SEL1L: variants seen among roughly 807,000 people sequenced by gnomAD.
The protein encoded by SEL1L is SEL1L adaptor subunit of SYVN1 ubiquitin ligase, also known as protein sel-1 homolog 1.
In SEL1L, 52 loss-of-function variants were observed where a neutral mutation model predicts 109.8. That is an observed-to-expected ratio of 0.47 (90% CI 0.38 to 0.60). The LOEUF is 0.60. SEL1L is among the 20% of genes least tolerant of loss of function. The pLI is 0.00. For synonymous variants in SEL1L, 373 were observed against 339.6 expected, an observed-to-expected ratio of 1.10 and a Z score of -1.08; for missense variants, 749 against 962.2, an observed-to-expected ratio of 0.78 and a Z score of 2.93.
intron 20 of SEL1L, 78 bp downstream of exon 20, chr14:81,479,534 T>C (rs1240840702): frequency 1.4e-6 from 2 of 1,455,308 alleles, no homozygotes; most frequent in Non-Finnish European, 1.9e-6. Flanking sequence ...CCTGTGCTTC[T>C]CAACTTTTGA....
Position 81,498,474 on chromosome 14 carries a change from G to A in SEL1L, c.912C>T (p.Gly304=). ...HMVLGYRYWA[G]IGVLQSCESA... ...ATTCACAACTCTGGAGGACGCCGATGCCAGCCCAGTATCTGTAACCCTGTA... is the reference window on the plus strand; with the variant it reads ...ATTCACAACTCTGGAGGACGCCGATACCAGCCCAGTATCTGTAACCCTGTA... The change falls in exon 9 of 21, where the codon GGC becomes GGT. Residue 304 remains glycine (G), a synonymous_variant. Coordinates refer to ENST00000336735, the MANE Select transcript of SEL1L (RefSeq NM_005065.6). 6.2e-7 allele frequency: 1 copy of A among 1,613,948 alleles called. No homozygotes were observed. The highest frequency in any genetic ancestry group is 2.2e-5 in the East Asian group (1 of 44,872).
At chr14:81,500,662 G>A (rs1289762815) in intron 6 of SEL1L, among the ~76,000 whole-genome samples, 3 of 152,186 alleles carry the variant, frequency 2.0e-5, no homozygotes, top group Admixed American at 6.5e-5. Context: ...GACAACTCCC[G>A]CTATAGGTAC....
At chr14:81,533,291 T>C (rs997861891) in intron 1 of SEL1L, among the ~76,000 whole-genome samples, 9 of 152,152 alleles carry the variant, frequency 5.9e-5, no homozygotes, top group African/African-American at 1.7e-4. Context: ...GGTTTGTCAA[T>C]TATTTAACTT....
At position 81,489,291 on chromosome 14, in the gene SEL1L, C is replaced by G; in HGVS notation, c.1356G>C (p.Gly452=). 6.2e-7 allele frequency: 1 copy of G among 1,614,130 alleles called. No homozygotes were observed. The highest frequency in any genetic ancestry group is 8.5e-7 in the Non-Finnish European group (1 of 1,179,974). The change falls in exon 14 of 21, where the codon GGG becomes GGC. Residue 452 remains glycine (G), a synonymous_variant. Transcript: ENST00000336735. ...ADMGNPVGQS[G]LGMAYLYGRG... The stretch of plus-strand genomic sequence containing the variant: ...TCCCATAGAGGTAGGCCATTCCAAG[C>G]CCACTCTGTCCAACTGGGTTGCCCT...
In SEL1L at chr14:81,472,558, C is replaced by A; in HGVS notation, c.*4414G>T. On this transcript the variant is annotated 3_prime_UTR_variant, in exon 21 of 21. Coordinates refer to ENST00000336735, the MANE Select transcript of SEL1L (RefSeq NM_005065.6). Reference sequence around the variant, plus strand: ...AAATGTTACTGTGTGGTACGTGTCTCTGCAAGTCCTCTTAAAAAATTCCTG... The same window carrying A: ...AAATGTTACTGTGTGGTACGTGTCTATGCAAGTCCTCTTAAAAAATTCCTG... The A allele has an allele frequency of 2.2e-6, 1 of 453,004 alleles. No individual in the cohort carries two copies. The highest frequency in any genetic ancestry group is 4.4e-6 in the Non-Finnish European group (1 of 228,336). The allele number at this position is 453,004 out of a possible 1,614,324, so 28.1% of individuals were successfully genotyped here. A position where few individuals can be genotyped will look rare whatever the true frequency, so the allele number is the denominator to read the frequency against.
At chr14:81,495,011 C>A in intron 11 of SEL1L, 70 bp downstream of exon 11, 1 of 1,467,384 alleles carries the variant, frequency 6.8e-7, no homozygotes, top group South Asian at 1.2e-5. Flanking sequence ...ATTGACTTAG[C>A]AAGAAATACA....
At chr14:81,521,845 A>G (rs758503354) in intron 3 of SEL1L, among the ~76,000 whole-genome samples, 27 of 152,220 alleles carry the variant, frequency 1.8e-4, no homozygotes, top group Non-Finnish European at 2.8e-4. Context: ...TTCAGGAAGT[A>G]CAGGCATCGT....
At chr14:81,511,766 A>G (rs1006387661) in intron 3 of SEL1L, among the ~76,000 whole-genome samples, 2 of 152,242 alleles carry the variant, frequency 1.3e-5, no homozygotes, top group African/African-American at 4.8e-5. Context: ...CCCAATTTTA[A>G]GCAAGATGTA....
In SEL1L at chr14:81,487,890, A is replaced by G. The variant is rs1380636113; in HGVS notation, c.1448T>C (p.Val483Ala). Residue 483 changes from valine (V) to alanine (A), a missense_variant, in exon 15 of 21, where the codon GTG becomes GCG. This residue lies in a region of SEL1L where 383 missense variants were observed against 562.5 expected (regional missense o/e 0.68). Transcript: ENST00000336735. ...YFQKAAEQGW[V>A]DGQLQLGSMY... ...GGAACCAAGCTGTAGCTGCCCATCCACCCAGCCTTGTTCAGCAGCTTTCTG... is the reference window on the plus strand; with the variant it reads ...GGAACCAAGCTGTAGCTGCCCATCCGCCCAGCCTTGTTCAGCAGCTTTCTG... 4 of 1,613,954 alleles carry G rather than the reference A, an allele frequency of 2.5e-6. No individual in the cohort carries two copies. The East Asian group carries it at 6.7e-5, about 27-fold the overall frequency.
rs11846992 is a variant in SEL1L, at chr14:81,476,867, C to T, written c.*105G>A. 5,617 of 1,119,126 alleles carry T rather than the reference C, an allele frequency of 5.0e-3. 223 individuals are homozygous for T. The African/African-American group carries it at 0.079, about 16-fold the overall frequency. The allele number at this position is 1,119,126 out of a possible 1,614,324, so 69.3% of individuals were successfully genotyped here. On this transcript the variant is annotated 3_prime_UTR_variant, in exon 21 of 21. Coordinates refer to ENST00000336735, the MANE Select transcript of SEL1L (RefSeq NM_005065.6). ...AATTCAATGCTTCCTTGTGCCGTGC[C>T]TCTTCTGGGAGGTGACCACTGATCC...
intron 4 of SEL1L, among the ~76,000 whole-genome samples, chr14:81,504,626 T>C (rs1217207098): frequency 1.3e-5 from 2 of 152,076 alleles, no homozygotes; most frequent in Non-Finnish European, 2.9e-5. Flanking sequence ...AAATTTCAGA[T>C]TATATGTGAT....
chr14:81,484,596 A>G (rs747700019), intron 18 of SEL1L, 199 bp from the exon 19 acceptor site: 17 of 488,148 alleles, frequency 3.5e-5, no homozygotes, highest in Non-Finnish European at 5.4e-5. Context: ...CTTCTGCAGA[A>G]GGCTTTGGAA....
intron 10 of SEL1L, among the ~76,000 whole-genome samples, chr14:81,496,177 A>G (rs2140006938): frequency 6.6e-6 from 1 of 151,854 alleles, no homozygotes. Flanking sequence ...CAAAAAAATT[A>G]GCCGGGCATG....
intron 18 of SEL1L, 56 bp downstream of exon 18, chr14:81,485,616 T>A (rs1027112513): frequency 2.1e-6 from 3 of 1,415,614 alleles, no homozygotes; most frequent in Non-Finnish European, 3.0e-6. Context: ...TCATGGGAGA[T>A]AAACAACATA....
intron 3 of SEL1L, 81 bp from the exon 4 acceptor site, chr14:81,506,322 T>C: frequency 7.7e-7 from 1 of 1,301,346 alleles, no homozygotes; most frequent in African/African-American, 1.5e-5. Context: ...ATTTTGGCTG[T>C]TGGAATTTGA....
At position 81,502,935 on chromosome 14, in the gene SEL1L, T is replaced by A. The variant is rs140819089; in HGVS notation, c.615-52A>T. The stretch of plus-strand genomic sequence containing the variant: ...AATTAGTAATGTTTTGAAACTGCCA[T>A]TAAGTTTTTTTGATCTACTAAAACG... On this transcript the variant is annotated intron_variant, in intron 5 of 20. Transcript: ENST00000336735. 6.9e-3 allele frequency: 10,161 copies of A among 1,466,632 alleles called. 42 individuals are homozygous for A. The highest frequency in any genetic ancestry group is 8.3e-3 in the Non-Finnish European group (8,927 of 1,079,940). The allele number at this position is 1,466,632 out of a possible 1,614,324, so 90.9% of individuals were successfully genotyped here.
intron 1 of SEL1L, among the ~76,000 whole-genome samples, chr14:81,529,732 C>T (rs1440199375): frequency 2.0e-5 from 3 of 152,202 alleles, no homozygotes; most frequent in African/African-American, 7.2e-5. Flanking sequence ...AGTTACTAAA[C>T]TGGGAAAGCC....
chr14:81,503,350 T>C (rs866922059), intron 5 of SEL1L, among the ~76,000 whole-genome samples: 4 of 152,298 alleles, frequency 2.6e-5, no homozygotes, highest in Middle Eastern at 6.8e-3. Flanking sequence ...TTTTTAATTT[T>C]TTTTTGAGAC....
intron 1 of SEL1L, among the ~76,000 whole-genome samples, chr14:81,528,746 C>T (rs1885212073): frequency 6.6e-6 from 1 of 152,128 alleles, no homozygotes; most frequent in Non-Finnish European, 1.5e-5. Flanking sequence ...CCCTGTAAGA[C>T]CATGTCATTT....
Sources: gnomAD v4.1 joint callset for allele counts (sites outside exome capture counted in the v4.1 genomes callset) on GRCh38, gnomAD v4.1.1 for gene constraint, gnomAD v4.1.1 regional missense constraint, MANE v1.5 for transcripts, NCBI Gene and HGNC (gene_info 2026-07-23, HGNC 2026-07-21) for gene names.